Variants in NAV3 observed in about 807,000 individuals in gnomAD.
The protein encoded by NAV3 is neuron navigator 3.
NAV3 carries 87 observed loss-of-function variants against 244.7 expected under a neutral mutation model. That is an observed-to-expected ratio of 0.36 (90% CI 0.30 to 0.42). NAV3 has a LOEUF of 0.42. Ranked by LOEUF, NAV3 falls within the 20% of genes least tolerant of loss-of-function variation. The probability of loss-of-function intolerance (pLI) is 1.00; values close to 1 mark genes in which losing one functional copy is unlikely to be tolerated. For synonymous variants in NAV3, 1,126 were observed against 1,042.2 expected (o/e 1.08, Z -1.55); for missense variants, 2,663 against 2,893.3 (o/e 0.92, Z 1.83).
chr12:77,680,471 A>G (rs1294307380), intron 2 of NAV3, among the ~76,000 whole-genome samples: 3 of 152,138 alleles, frequency 2.0e-5, no homozygotes, highest in Non-Finnish European at 4.4e-5. Flanking sequence ...TCTCTGTTAG[A>G]GTTGTGAATG....
At chr12:77,768,345 C>T (rs1403730814) in intron 2 of NAV3, among the ~76,000 whole-genome samples, 1 of 152,212 alleles carries the variant, frequency 6.6e-6, no homozygotes, top group African/African-American at 2.4e-5. Flanking sequence ...TGCCCAGGAG[C>T]CTGTCTGCCT....
At chr12:77,738,540 T>C (rs1219595277) in intron 2 of NAV3, among the ~76,000 whole-genome samples, 5 of 152,184 alleles carry the variant, frequency 3.3e-5, no homozygotes, top group Non-Finnish European at 7.3e-5. Flanking sequence ...GAAGGAAGTG[T>C]TCAAGCACAT....
intron 2 of NAV3, among the ~76,000 whole-genome samples, chr12:77,789,345 T>C (rs1871063422): frequency 6.6e-6 from 1 of 152,128 alleles, no homozygotes; most frequent in East Asian, 1.9e-4. Context: ...CAGCTACTAC[T>C]GAACTTCTTT....
intron 28 of NAV3, among the ~76,000 whole-genome samples, chr12:78,179,217 A>G (rs1958393769): frequency 6.6e-6 from 1 of 152,152 alleles, no homozygotes; most frequent in South Asian, 2.1e-4. Flanking sequence ...AAATGTAGTA[A>G]TCTATGACTT....
intron 1 of NAV3, among the ~76,000 whole-genome samples, chr12:77,910,216 C>A (rs1176423181): frequency 6.6e-6 from 1 of 151,918 alleles, no homozygotes; most frequent in Non-Finnish European, 1.5e-5. Flanking sequence ...AAGCACAGTG[C>A]CAGCATCTGC....
chr12:77,694,679 T>C (rs2137174783), intron 2 of NAV3, among the ~76,000 whole-genome samples: 1 of 152,276 alleles, frequency 6.6e-6, no homozygotes, highest in Non-Finnish European at 1.5e-5. Context: ...CAAAAAAGTA[T>C]TCTGACATTT....
intron 5 of NAV3, among the ~76,000 whole-genome samples, chr12:77,972,103 C>G (rs1893042624): frequency 6.6e-6 from 1 of 152,152 alleles, no homozygotes; most frequent in African/African-American, 2.4e-5. Flanking sequence ...AAATTCTGCT[C>G]TCCTGCTCTC....
chr12:77,906,254 G>T (rs889937114), intron 1 of NAV3, among the ~76,000 whole-genome samples: 2 of 151,926 alleles, frequency 1.3e-5, no homozygotes, highest in African/African-American at 4.8e-5. Flanking sequence ...ACACAGAAAG[G>T]CAGAGAGACA....
chr12:77,914,233 C>G (rs781644246), intron 1 of NAV3, among the ~76,000 whole-genome samples: 6 of 152,080 alleles, frequency 3.9e-5, no homozygotes, highest in Non-Finnish European at 4.4e-5. Context: ...ATTGGTCTTA[C>G]TGGCACTTAA....
chr12:77,590,615 A>G (rs970110994), intron 2 of NAV3, among the ~76,000 whole-genome samples: 2 of 152,194 alleles, frequency 1.3e-5, no homozygotes, highest in African/African-American at 2.4e-5. Context: ...TCCCCATGAC[A>G]TAAGTTTACC....
chr12:77,705,305 A>G lies in NAV3; in HGVS notation c.72+133039A>G, dbSNP rs117965333. Among the ~76,000 whole-genome samples, 23 of 151,488 alleles carry G rather than the reference A, an allele frequency of 1.5e-4. 1 individual carries two copies. In the East Asian group the frequency reaches 3.3e-3, roughly 22 times the overall value. ...TGTGGTAGTGGACACTTGTAATTCTAACTATTTGGGAGGCTGAGGCACAAG... is the reference window on the plus strand; with the variant it reads ...TGTGGTAGTGGACACTTGTAATTCTGACTATTTGGGAGGCTGAGGCACAAG... On this transcript the variant is annotated intron_variant, in intron 2 of 8. Transcript: ENST00000550042.
At chr12:77,982,506 CA>C (rs1266732506) in intron 5 of NAV3, among the ~76,000 whole-genome samples, 2 of 152,034 alleles carry the variant, frequency 1.3e-5, no homozygotes, top group African/African-American at 4.8e-5. Context: ...GGGAAGGGCA[CA>C]TATGAAGGGA....
intron 12 of NAV3, among the ~76,000 whole-genome samples, chr12:78,087,700 T>G (rs2137946485): frequency 6.6e-6 from 1 of 152,146 alleles, no homozygotes; most frequent in East Asian, 1.9e-4. Context: ...TGAATTTTCT[T>G]CTTTTGAAAT....
At chr12:77,800,446 C>A (rs189629189) in intron 2 of NAV3, among the ~76,000 whole-genome samples, 27 of 152,164 alleles carry the variant, frequency 1.8e-4, no homozygotes, top group African/African-American at 6.5e-4. Context: ...GTTCAATGTT[C>A]TTGGTGCTCA....
intron 1 of NAV3, among the ~76,000 whole-genome samples, chr12:77,864,427 A>C (rs1879708512): frequency 6.6e-6 from 1 of 151,982 alleles, no homozygotes; most frequent in Non-Finnish European, 1.5e-5. Context: ...GCATATATCC[A>C]CTGCAATAAT....
intron 1 of NAV3, among the ~76,000 whole-genome samples, chr12:77,858,757 C>A (rs568006530): frequency 6.6e-6 from 1 of 152,158 alleles, no homozygotes; most frequent in African/African-American, 2.4e-5. Context: ...GCTACATAAG[C>A]ATCCACAATG....
At chr12:77,662,637 T>C (rs1873517797) in intron 2 of NAV3, among the ~76,000 whole-genome samples, 2 of 152,062 alleles carry the variant, frequency 1.3e-5, no homozygotes, top group African/African-American at 4.8e-5. Flanking sequence ...TTCTCCAGAG[T>C]ATTATGCTTT....
intron 2 of NAV3, among the ~76,000 whole-genome samples, chr12:77,752,398 G>A (rs753181327): frequency 2.0e-5 from 3 of 152,092 alleles, no homozygotes; most frequent in Non-Finnish European, 4.4e-5. Flanking sequence ...ATACCCACGA[G>A]TTCAGGGTTG....
intron 2 of NAV3, among the ~76,000 whole-genome samples, chr12:77,812,672 T>G (rs973236909): frequency 1.3e-5 from 2 of 151,952 alleles, no homozygotes; most frequent in Non-Finnish European, 2.9e-5. Flanking sequence ...CCTAGGGCGC[T>G]CCCGCCTGGC....
Sources: allele counts gnomAD v4.1 joint callset (sites outside exome capture counted in the v4.1 genomes callset), GRCh38; gene constraint gnomAD v4.1.1; transcripts MANE v1.5; gene names NCBI Gene and HGNC (gene_info 2026-07-23, HGNC 2026-07-21).